ZSWIM8: variants seen among roughly 807,000 people sequenced by gnomAD.
ZSWIM8 encodes the protein zinc finger SWIM-type containing 8, also known as zinc finger SWIM domain-containing protein 8.
In ZSWIM8, 27 loss-of-function variants were observed where a neutral mutation model predicts 173.7. The observed-to-expected ratio is 0.16, with a 90% CI of 0.11 to 0.21. The LOEUF (loss-of-function observed/expected upper bound fraction) is 0.21, where lower values mean the gene tolerates loss of function less well. Among genes scored for constraint, ZSWIM8 ranks in the 10% least tolerant of loss-of-function variants. ZSWIM8 has a pLI of 1.00. For missense variants in ZSWIM8, 1,627 were observed against 2,428.8 expected, an observed-to-expected ratio of 0.67 and a Z score of 6.94; for synonymous variants, 958 against 962.0, an observed-to-expected ratio of 1.00 and a Z score of 0.08.
rs1333901463 is a variant in ZSWIM8 at position 73,789,873 on chromosome 10, C to T, written c.738+49C>T. ...CTGCAATTAGCTCCGGGCCAGGCCG[C>T]ATAACAGCCTTCCTGTTAGGCCCAG... On this transcript the variant is annotated intron_variant, in intron 5 of 25. Coordinates refer to ENST00000604729, the MANE Select transcript of ZSWIM8 (RefSeq NM_001367799.1). This position sits in a 1 kb window ranked among gnomAD's most constrained non-coding sequence, Gnocchi z 6.8. 2 of 1,583,018 alleles carry T rather than the reference C, an allele frequency of 1.3e-6. No homozygotes were observed. The highest frequency in any genetic ancestry group is 1.7e-6 in the Non-Finnish European group (2 of 1,162,698).
In ZSWIM8 at chr10:73,791,980, G is replaced by T; in HGVS notation, c.1441G>T (p.Ala481Ser). 3.9e-6 allele frequency: 6 copies of T among 1,551,168 alleles called. No individual in the cohort carries two copies. The highest frequency in any genetic ancestry group is 2.4e-5 in the East Asian group (1 of 40,918). ...LFPGFRPAVE[A>S]CYFNWEEAYP... ...CCCCGGCTTCCGGCCAGCGGTGGAG[G>T]CCTGCTACTTCAACTGGGAAGAGGC... Residue 481 changes from alanine to serine, a missense_variant, in exon 10 of 26, where the codon GCC (alanine) becomes TCC (serine). Ala to Ser is a moderately conservative substitution (Grantham distance 99). Coordinates refer to ENST00000604729, the MANE Select transcript of ZSWIM8 (RefSeq NM_001367799.1). The surrounding 1 kb of genome is among the most constrained non-coding windows in gnomAD (Gnocchi z 6.0).
Position 73,793,707 on chromosome 10 carries a change from G to A in ZSWIM8, c.2433G>A (p.Pro811=), listed in dbSNP as rs745748636. The A allele has an allele frequency of 1.4e-5, 22 of 1,608,092 alleles. 1 individual carries two copies. In the South Asian group the frequency reaches 1.9e-4, roughly 14 times the overall value. ...ACCCACCCGACCTCAAGGTAGAGCCGCCCCCTGCCAAGGTGAGAGACCCCC... is the reference window on the plus strand; with the variant it reads ...ACCCACCCGACCTCAAGGTAGAGCCACCCCCTGCCAAGGTGAGAGACCCCC... ...LANPPDLKVE[P]PPAKGKKNKV... Residue 811 remains proline (P), a synonymous_variant, in exon 11 of 26, where the codon CCG becomes CCA. Transcript: ENST00000604729.
rs758680066 is a variant in ZSWIM8, at chr10:73,789,672, A to C, written c.631-45A>C. 6 of 1,560,064 alleles carry C rather than the reference A, an allele frequency of 3.8e-6. No individual in the cohort carries two copies. The South Asian group carries it at 4.7e-5, about 12-fold the overall frequency. On this transcript the variant is annotated intron_variant, in intron 4 of 25. Coordinates refer to ENST00000604729, the MANE Select transcript of ZSWIM8 (RefSeq NM_001367799.1). This position sits in a 1 kb window ranked among gnomAD's most constrained non-coding sequence, Gnocchi z 6.8. ...TCTGTCCCCCAGCTCCAGCTCCAGCAAACCTGTTCTCAGATTGTTCCATTT... is the reference window on the plus strand; with the variant it reads ...TCTGTCCCCCAGCTCCAGCTCCAGCCAACCTGTTCTCAGATTGTTCCATTT...
intron 11 of ZSWIM8, 43 bp downstream of exon 11, chr10:73,793,762 C>A: frequency 6.4e-7 from 1 of 1,571,170 alleles, no homozygotes. Flanking sequence ...CCCACTTACC[C>A]CCAACCTGCT....
intron 14 of ZSWIM8, 21 bp from the exon 15 acceptor site, chr10:73,795,518 A>AT: frequency 6.2e-7 from 1 of 1,613,520 alleles, no homozygotes; most frequent in Non-Finnish European, 8.5e-7. Context: ...CTCAATCCCC[A>AT]TAAGGTCCTC....
rs923692466 is a variant in ZSWIM8 at position 73,797,898 on chromosome 10, C to T, written c.3780C>T (p.Asn1260=). 2 of 1,613,874 alleles carry T rather than the reference C, an allele frequency of 1.2e-6. No individual in the cohort carries two copies. Among genetic ancestry groups the T allele is most frequent in the African/African-American group, 1.3e-5 (1 of 74,914 alleles). ...CAGTGCTGATCAAGGCAGGGGGCAA[C>T]AGCAGCACTTCCATTTTCACACATC... is the stretch of plus-strand genomic sequence containing the variant. ...AKTVLIKAGG[N]SSTSIFTHPS... The change falls in exon 19 of 26, where the codon AAC becomes AAT. Residue 1260 remains asparagine, a synonymous_variant. Transcript: ENST00000604729. The surrounding 1 kb of genome is among the most constrained non-coding windows in gnomAD (Gnocchi z 5.6).
chr10:73,797,158 C>A lies in ZSWIM8; in HGVS notation c.3320C>A (p.Ala1107Asp), dbSNP rs564084123. ...SPCEGLPSEA[A>D]LTPRPEGKVP... ...TGTGAGGGTCTTCCATCTGAGGCAG[C>A]TTTGACCCCAAGGCCAGAAGGGAAG... Residue 1107 changes from alanine (A) to aspartate (D), a missense_variant, in exon 17 of 26, where the codon GCT (alanine) becomes GAT (aspartate). Ala to Asp is a moderately radical substitution (Grantham distance 126, BLOSUM62 -2). Around this residue, in one of 18 missense-constraint regions of ZSWIM8, gnomAD observed 163 missense variants for 193.2 expected, o/e 0.84. Coordinates refer to ENST00000604729, the MANE Select transcript of ZSWIM8 (RefSeq NM_001367799.1). This position sits in a 1 kb window ranked among gnomAD's most constrained non-coding sequence, Gnocchi z 5.6. The A allele has an allele frequency of 6.8e-6, 11 of 1,613,830 alleles. No homozygotes were observed. The African/African-American group carries it at 1.5e-4, about 22-fold the overall frequency.
chr10:73,787,006 C>T (rs548059234), intron 1 of ZSWIM8, among the ~76,000 whole-genome samples: 108 of 151,146 alleles, frequency 7.1e-4, no homozygotes, highest in Non-Finnish European at 1.3e-3. Context: ...TGCAATGGCA[C>T]GATCTCGGCT....
Position 73,790,005 on chromosome 10 carries a change from C to A in ZSWIM8, c.788C>A (p.Ser263Ter). Residue 263 changes from serine (S) to a stop codon, truncating the protein, a stop_gained, in exon 6 of 26, where the codon TCA (serine) becomes TAA (stop). Transcript: ENST00000604729. LOFTEE classifies it high-confidence loss of function. The stretch of plus-strand genomic sequence containing the variant: ...CTGGACGAACTCCTGTCTTCCCAGT[C>A]AACAGCCATCAATACAGTGTGTGGA... ...RLLDELLSSQ[S>*]TAINTVCGAP... 6.2e-7 allele frequency: 1 copy of A among 1,613,274 alleles called. No individual in the cohort carries two copies. Among genetic ancestry groups the A allele is most frequent in the South Asian group, 1.1e-5 (1 of 90,842 alleles).
chr10:73,799,618 G>C (rs879126352), intron 21 of ZSWIM8, 128 bp downstream of exon 21: 7 of 1,333,798 alleles, frequency 5.2e-6, no homozygotes, highest in South Asian at 5.2e-5. Flanking sequence ...GGGAGTCTGG[G>C]GGACCCAGCC....
rs1357334142 is a variant in ZSWIM8, at chr10:73,796,903, C to G, written c.3163C>G (p.Pro1055Ala). ...TTCAAAGCACGGGGGCCCATCTGCCCCAGGGGCCCTGCAACCACTGACCTC... is the reference window on the plus strand; with the variant it reads ...TTCAAAGCACGGGGGCCCATCTGCCGCAGGGGCCCTGCAACCACTGACCTC... Reference protein sequence around the residue: ...SPSKHGGPSAPGALQPLTSGS... With the variant: ...SPSKHGGPSAAGALQPLTSGS... The change falls in exon 16 of 26, where the codon CCA becomes GCA. Residue 1055 changes from proline (P) to alanine (A), a missense_variant. By Grantham distance (27) the Pro-to-Ala change is conservative. Coordinates refer to ENST00000604729, the MANE Select transcript of ZSWIM8 (RefSeq NM_001367799.1). The G allele has an allele frequency of 6.2e-7, 1 of 1,613,946 alleles. No homozygotes were observed. The highest frequency in any genetic ancestry group is 8.5e-7 in the Non-Finnish European group (1 of 1,179,906).
At chr10:73,786,125 G>A (rs1290849973) in intron 1 of ZSWIM8, 39 bp downstream of exon 1, 7 of 1,499,376 alleles carry the variant, frequency 4.7e-6, no homozygotes, top group Non-Finnish European at 5.4e-6. Context: ...GGCAGGCCCT[G>A]CTTGGGCCTC....
rs2083670169 is a variant in ZSWIM8, at chr10:73,796,611, A to G, written c.3034-163A>G. The G allele has an allele frequency of 3.2e-6, 3 of 949,296 alleles. No homozygotes were observed. The East Asian group carries it at 7.9e-5, about 25-fold the overall frequency. 58.8% of individuals were successfully genotyped at this position (949,296 alleles called of 1,614,324 possible). ...ATATGTTGGGGTTAAATAAGTTACA[A>G]AAAGACATGTAAACCAGGAGGTCAT... On this transcript the variant is annotated intron_variant, in intron 15 of 25. Transcript: ENST00000604729.
rs1589582262 is a variant in ZSWIM8 at position 73,796,443 on chromosome 10, A to C, written c.3034-331A>C. 1.6e-5 allele frequency: 7 copies of C among 424,772 alleles called. No homozygotes were observed. In the East Asian group the frequency reaches 3.8e-4, roughly 23 times the overall value. 26.3% of individuals were successfully genotyped at this position (424,772 alleles called of 1,614,324 possible). A position where few individuals can be genotyped will look rare whatever the true frequency, so the allele number is the denominator to read the frequency against. On this transcript the variant is annotated intron_variant, in intron 15 of 25. Coordinates refer to ENST00000604729, the MANE Select transcript of ZSWIM8 (RefSeq NM_001367799.1). ...TTGGGGACATCTCATAAAGAATAAGAGAAGACCAATGGTTCTTATAGGAGT... is the reference window on the plus strand; with the variant it reads ...TTGGGGACATCTCATAAAGAATAAGCGAAGACCAATGGTTCTTATAGGAGT...
Position 73,791,625 on chromosome 10 carries a change from C to T in ZSWIM8, c.1319+126C>T. ...TCCTCGGGAAACGGGAGGTGCTGAGCACTGGTGTTAGCAGTGATTTACGAG... is the reference window on the plus strand; with the variant it reads ...TCCTCGGGAAACGGGAGGTGCTGAGTACTGGTGTTAGCAGTGATTTACGAG... On this transcript the variant is annotated intron_variant, in intron 9 of 25. Coordinates refer to ENST00000604729, the MANE Select transcript of ZSWIM8 (RefSeq NM_001367799.1). This position sits in a 1 kb window ranked among gnomAD's most constrained non-coding sequence, Gnocchi z 6.0. 8.3e-7 allele frequency: 1 copy of T among 1,209,954 alleles called. No individual in the cohort carries two copies. The highest frequency in any genetic ancestry group is 1.6e-5 in the South Asian group (1 of 60,974). The allele number at this position is 1,209,954 out of a possible 1,614,324, so 75.0% of individuals were successfully genotyped here.
chr10:73,793,786 C>A, intron 11 of ZSWIM8, 67 bp downstream of exon 11: 1 of 1,556,198 alleles, frequency 6.4e-7, no homozygotes, highest in African/African-American at 1.4e-5. Flanking sequence ...ATGCCCCACC[C>A]CAAGTGAGAG....
chr10:73,786,431 G>A, intron 1 of ZSWIM8: 1 of 267,000 alleles, frequency 3.7e-6, no homozygotes, highest in African/African-American at 2.2e-5. Flanking sequence ...TTAGAGAGGG[G>A]ATAAGGGAGA....
In ZSWIM8 at chr10:73,792,119, C is replaced by T. The variant is rs2083437469; in HGVS notation, c.1580C>T (p.Ser527Phe). 3 of 1,530,790 alleles carry T rather than the reference C, an allele frequency of 2.0e-6. No individual in the cohort carries two copies. The South Asian group carries it at 3.7e-5, about 19-fold the overall frequency. 94.8% of individuals were successfully genotyped at this position (1,530,790 alleles called of 1,614,324 possible). The change falls in exon 10 of 26, where the codon TCC becomes TTC. Residue 527 changes from serine (S) to phenylalanine (F), a missense_variant. Around this residue, in one of 18 missense-constraint regions of ZSWIM8, gnomAD observed 383 missense variants for 394.8 expected, o/e 0.97. Transcript: ENST00000604729. The surrounding 1 kb of genome is among the most constrained non-coding windows in gnomAD (Gnocchi z 4.3). ...GASRSGGLEE[S>F]RDRPRPLPTE... ...TCCCGCTCTGGGGGCCTGGAGGAAT[C>T]CCGGGACCGGCCCCGACCCCTTCCT...
rs1174855536 is a variant in ZSWIM8, at chr10:73,791,173, A to G, written c.1140A>G (p.Glu380=). ...TCACTGACCAGTGCCTCACCTATGA[A>G]CAGGTAATCACTCAGCGTTGGGGAG... ...EILTDQCLTY[E]QITGWWYSVR... is the part of the protein sequence containing the mutation. The change falls in exon 8 of 26, where the codon GAA becomes GAG. Residue 380 remains glutamate (E), a synonymous_variant. Coordinates refer to ENST00000604729, the MANE Select transcript of ZSWIM8 (RefSeq NM_001367799.1). The surrounding 1 kb of genome is among the most constrained non-coding windows in gnomAD (Gnocchi z 6.0). The G allele has an allele frequency of 1.3e-6, 2 of 1,599,192 alleles. No homozygotes were observed. Among genetic ancestry groups the G allele is most frequent in the Non-Finnish European group, 1.7e-6 (2 of 1,168,962 alleles).
Sources: gnomAD v4.1 joint callset for allele counts (sites outside exome capture counted in the v4.1 genomes callset) on GRCh38, gnomAD v4.1.1 for gene constraint, gnomAD v4.1.1 regional missense constraint, Gnocchi (gnomAD v3.1) non-coding constraint, MANE v1.5 for transcripts, NCBI Gene and HGNC (gene_info 2026-07-23, HGNC 2026-07-21) for gene names.